Variants in ADCY1 observed in about 807,000 individuals in gnomAD.
The protein encoded by ADCY1 is adenylate cyclase 1.
Under a neutral mutation model 105.4 loss-of-function variants are expected in ADCY1, and 28 were observed. The ratio of observed to expected loss-of-function variants is 0.27; its 90% CI spans 0.20 to 0.36. The LOEUF is 0.36. Among genes scored for constraint, ADCY1 ranks in the 10% least tolerant of loss-of-function variants. The pLI is 1.00. For missense variants in ADCY1, 977 were observed against 1,434.2 expected (o/e 0.68, Z 5.15); for synonymous variants, 655 against 623.8 (o/e 1.05, Z -0.75).
Position 45,574,772 on chromosome 7 carries a change from C to G in ADCY1, c.229C>G (p.Leu77Val). 6.8e-7 allele frequency: 1 copy of G among 1,478,362 alleles called. No homozygotes were observed. The highest frequency in any genetic ancestry group is 1.3e-5 in the South Asian group (1 of 75,214). The allele number at this position is 1,478,362 out of a possible 1,614,324, so 91.6% of individuals were successfully genotyped here. A position where few individuals can be genotyped will look rare whatever the true frequency, so the allele number is the denominator to read the frequency against. ...CAGCCTGCTGGCGGGCGCGCTGGCG[C>G]TGGCCGAGCTGCTGGGCGCGCCGGG... ...VLSLLAGALA[L>V]AELLGAPGPA... is the part of the protein sequence containing the mutation. The change falls in exon 1 of 20, where the codon CTG (leucine) becomes GTG (valine). Residue 77 changes from leucine to valine, a missense_variant. By Grantham distance (32) the Leu-to-Val change is conservative. This residue lies in a region of ADCY1 where 209 missense variants were observed against 222.5 expected (regional missense o/e 0.94). Coordinates refer to ENST00000297323, the MANE Select transcript of ADCY1 (RefSeq NM_021116.4). This position sits in a 1 kb window ranked among gnomAD's most constrained non-coding sequence, Gnocchi z 7.0.
chr7:45,619,868 A>T (rs1192822746), intron 3 of ADCY1, among the ~76,000 whole-genome samples: 1 of 152,212 alleles, frequency 6.6e-6, no homozygotes, highest in Non-Finnish European at 1.5e-5. Flanking sequence ...GCTCACATAC[A>T]CGTAGCTATG....
chr7:45,621,568 G>A (rs1279672015), intron 3 of ADCY1, among the ~76,000 whole-genome samples: 1 of 152,182 alleles, frequency 6.6e-6, no homozygotes, highest in East Asian at 1.9e-4. Context: ...ATTTTACATG[G>A]CGGACATGCG....
intron 4 of ADCY1, among the ~76,000 whole-genome samples, chr7:45,643,760 A>T (rs1794586108): frequency 6.6e-6 from 1 of 151,916 alleles, no homozygotes; most frequent in Non-Finnish European, 1.5e-5. Context: ...GTGTAGTTAG[A>T]TGTTTGTGCT....
chr7:45,616,126 T>C (rs1454182613), intron 3 of ADCY1, among the ~76,000 whole-genome samples: 2 of 152,154 alleles, frequency 1.3e-5, no homozygotes, highest in African/African-American at 4.8e-5. Flanking sequence ...CAACCAAGAC[T>C]AAGTCATTAA....
At chr7:45,687,046 C>T (rs1047349330) in intron 14 of ADCY1, among the ~76,000 whole-genome samples, 1 of 152,094 alleles carries the variant, frequency 6.6e-6, no homozygotes, top group Non-Finnish European at 1.5e-5. Context: ...CAGGTCTCAT[C>T]GGGGTCATTG....
intron 14 of ADCY1, among the ~76,000 whole-genome samples, chr7:45,691,706 T>A (rs779825714): frequency 2.6e-5 from 4 of 152,266 alleles, no homozygotes; most frequent in Non-Finnish European, 5.9e-5. Flanking sequence ...ACAACTTATT[T>A]CTCTACCAAT....
At chr7:45,694,115 TAAAAA>T (rs140981457) in intron 14 of ADCY1, among the ~76,000 whole-genome samples, 8,897 of 115,502 alleles carry the variant, frequency 0.077, 255 homozygotes, top group East Asian at 0.11. Flanking sequence ...TAGAGTATAA[TAAAAA>T]AAAAAAAAAA....
chr7:45,665,166 C>T (rs1784202782), intron 8 of ADCY1, among the ~76,000 whole-genome samples: 1 of 152,162 alleles, frequency 6.6e-6, no homozygotes, highest in African/African-American at 2.4e-5. Flanking sequence ...TATAGATTTG[C>T]AGCCTAAGAA....
At chr7:45,679,449 T>G (rs925229053) in intron 10 of ADCY1, among the ~76,000 whole-genome samples, 37 of 152,228 alleles carry the variant, frequency 2.4e-4, no homozygotes, top group Non-Finnish European at 4.4e-5. Context: ...GCTAGATCTC[T>G]GCGGTGGGGG....
chr7:45,652,240 G>T (rs1794830191), intron 5 of ADCY1, among the ~76,000 whole-genome samples: 1 of 152,200 alleles, frequency 6.6e-6, no homozygotes, highest in African/African-American at 2.4e-5. Context: ...CCAACATTGG[G>T]AATTACAACT....
intron 5 of ADCY1, among the ~76,000 whole-genome samples, chr7:45,652,639 T>G (rs1794840937): frequency 6.6e-6 from 1 of 152,254 alleles, no homozygotes; most frequent in Admixed American, 6.5e-5. Context: ...ATCTAGTCCT[T>G]TTTCATGCAG....
intron 1 of ADCY1, among the ~76,000 whole-genome samples, chr7:45,585,204 CT>C: frequency 6.6e-6 from 1 of 152,344 alleles, no homozygotes; most frequent in South Asian, 2.1e-4. Context: ...GTTCGTTGAA[CT>C]TGTTTTCTGT....
chr7:45,598,289 G>C (rs184389450), intron 2 of ADCY1, among the ~76,000 whole-genome samples: 2 of 152,144 alleles, frequency 1.3e-5, no homozygotes, highest in Admixed American at 1.3e-4. Flanking sequence ...TCCTCCTTTC[G>C]TGGCCACAGA....
At chr7:45,661,418 G>A (rs562883950) in intron 7 of ADCY1, among the ~76,000 whole-genome samples, 1 of 152,202 alleles carries the variant, frequency 6.6e-6, no homozygotes, top group Admixed American at 6.5e-5. Flanking sequence ...TGGGGTCAGA[G>A]CTGCTGTGGG....
chr7:45,655,678 A>G (rs1007040440), intron 5 of ADCY1, among the ~76,000 whole-genome samples: 1 of 152,174 alleles, frequency 6.6e-6, no homozygotes, highest in African/African-American at 2.4e-5. Flanking sequence ...TTGGTAGAAC[A>G]TGGTGGCGTG....
chr7:45,643,208 GT>G (rs1794571453), intron 4 of ADCY1, among the ~76,000 whole-genome samples: 1 of 149,618 alleles, frequency 6.7e-6, no homozygotes, highest in Non-Finnish European at 1.5e-5. Flanking sequence ...GTGGGAAATG[GT>G]TTTTCAACAC....
chr7:45,610,074 G>A (rs1458537297), intron 2 of ADCY1, among the ~76,000 whole-genome samples: 1 of 152,174 alleles, frequency 6.6e-6, no homozygotes, highest in Non-Finnish European at 1.5e-5. Context: ...CCAGGTTGGG[G>A]CCCTGGTGGA....
intron 12 of ADCY1, among the ~76,000 whole-genome samples, chr7:45,685,366 A>G (rs577483133): frequency 1.3e-5 from 2 of 150,302 alleles, no homozygotes; most frequent in Non-Finnish European, 3.0e-5. Context: ...CAGTAACAGG[A>G]TGAAGCTGGG....
intron 4 of ADCY1, among the ~76,000 whole-genome samples, chr7:45,644,224 T>C (rs1188753852): frequency 6.6e-6 from 1 of 152,190 alleles, no homozygotes; most frequent in Non-Finnish European, 1.5e-5. Context: ...GACTCTACTG[T>C]TTTAGAGCTG....
Sources: allele counts gnomAD v4.1 joint callset (sites outside exome capture counted in the v4.1 genomes callset), GRCh38; gene constraint gnomAD v4.1.1; regional missense constraint gnomAD v4.1.1; non-coding constraint Gnocchi (gnomAD v3.1); transcripts MANE v1.5; gene names NCBI Gene and HGNC (gene_info 2026-07-23, HGNC 2026-07-21).